Variants in NCOA2 observed in about 807,000 individuals in gnomAD.
NCOA2 encodes the protein class E basic helix-loop-helix protein 75.
A neutral mutation model predicts 145.1 loss-of-function variants in NCOA2; 21 were observed. The ratio of observed to expected loss-of-function variants is 0.14; its 90% CI spans 0.10 to 0.21. The LOEUF is 0.21. Ranked by LOEUF, NCOA2 falls within the 10% of genes least tolerant of loss-of-function variation. The pLI is 1.00. For synonymous variants in NCOA2, 619 were observed against 637.5 expected (o/e 0.97, Z 0.44); for missense variants, 1,472 against 1,837.6 (o/e 0.80, Z 3.64).
intron 4 of NCOA2, among the ~76,000 whole-genome samples, chr8:70,201,129 T>C (rs1817847301): frequency 6.6e-6 from 1 of 151,526 alleles, no homozygotes; most frequent in South Asian, 2.1e-4. Flanking sequence ...GTAAATTTTA[T>C]ATTATGAATA....
chr8:70,133,200 C>CTTTTTTTTTTTTTTTTTTTTTTTT (rs57813061), intron 15 of NCOA2, among the ~76,000 whole-genome samples: 11 of 106,970 alleles, frequency 1.0e-4, no homozygotes, highest in African/African-American at 4.4e-4. Flanking sequence ...CTGGCTGCTA[C>CTTTTTTTTTTTTTTTTTTTTTTTT]TTTTTTTTTT....
At chr8:70,350,308 C>T (rs1255453133) in intron 1 of NCOA2, among the ~76,000 whole-genome samples, 1 of 152,076 alleles carries the variant, frequency 6.6e-6, no homozygotes, top group South Asian at 2.1e-4. Flanking sequence ...ATTTTTTCCC[C>T]CAAATATACC....
intron 1 of NCOA2, among the ~76,000 whole-genome samples, chr8:70,308,158 T>G (rs1490633859): frequency 6.6e-6 from 1 of 152,078 alleles, no homozygotes; most frequent in Non-Finnish European, 1.5e-5. Flanking sequence ...AAAGAAAAAA[T>G]GTAATCCTTT....
chr8:70,400,253 A>G (rs1052199155), intron 1 of NCOA2, among the ~76,000 whole-genome samples: 1 of 152,202 alleles, frequency 6.6e-6, no homozygotes, highest in Admixed American at 6.5e-5. Context: ...ACTGACATCT[A>G]AAAGTCAAAG....
chr8:70,121,169 C>T, intron 22 of NCOA2, 133 bp downstream of exon 22: 1 of 703,256 alleles, frequency 1.4e-6, no homozygotes, highest in South Asian at 1.8e-5. Context: ...CACTGTATGC[C>T]AGATGAAACC....
chr8:70,269,889 T>C (rs889155740), intron 2 of NCOA2, among the ~76,000 whole-genome samples: 7 of 152,254 alleles, frequency 4.6e-5, no homozygotes, highest in African/African-American at 1.4e-4. Flanking sequence ...ACACATTTAC[T>C]GAAACCTAAT....
At chr8:70,317,567 A>G (rs1355389973) in intron 1 of NCOA2, among the ~76,000 whole-genome samples, 2 of 152,228 alleles carry the variant, frequency 1.3e-5, no homozygotes, top group Non-Finnish European at 2.9e-5. Context: ...CCTGTCTTTT[A>G]TATGAGTAAG....
chr8:70,147,108 T>C (rs1470359021), intron 12 of NCOA2, among the ~76,000 whole-genome samples: 3 of 145,482 alleles, frequency 2.1e-5, no homozygotes, highest in South Asian at 4.3e-4. Context: ...CATGCAAATC[T>C]TTCGCGCGCG....
chr8:70,432,482 C>A, the NCOA2 span, among the ~76,000 whole-genome samples: 1 of 151,964 alleles, frequency 6.6e-6, no homozygotes, highest in Admixed American at 6.6e-5. Flanking sequence ...GGCAACAAAG[C>A]AAGACTCTGT....
At chr8:70,433,258 T>C in the NCOA2 span, among the ~76,000 whole-genome samples, 3 of 152,166 alleles carry the variant, frequency 2.0e-5, no homozygotes, top group African/African-American at 4.8e-5. Flanking sequence ...AAAATATATT[T>C]ATTGAGCATC....
the NCOA2 span, among the ~76,000 whole-genome samples, chr8:70,456,052 A>G: frequency 6.6e-6 from 1 of 151,652 alleles, no homozygotes; most frequent in African/African-American, 2.4e-5. Flanking sequence ...TGGGGACTAG[A>G]GTAACCATTG....
At chr8:70,144,233 G>T (rs2954726) in intron 13 of NCOA2, among the ~76,000 whole-genome samples, 6 of 152,148 alleles carry the variant, frequency 3.9e-5, no homozygotes, top group African/African-American at 1.4e-4. Context: ...TTATCACCTA[G>T]AAGTATAAAA....
At chr8:70,218,423 T>C (rs967277465) in intron 2 of NCOA2, among the ~76,000 whole-genome samples, 6 of 152,100 alleles carry the variant, frequency 3.9e-5, no homozygotes, top group African/African-American at 1.2e-4. Context: ...AAGTATAATC[T>C]GTATTTATTT....
chr8:70,355,590 T>C (rs1809611841), intron 1 of NCOA2, among the ~76,000 whole-genome samples: 1 of 152,082 alleles, frequency 6.6e-6, no homozygotes, highest in Non-Finnish European at 1.5e-5. Context: ...TTTCTTTTTT[T>C]TTTTCTCTCA....
chr8:70,122,995 C>T (rs1807990862), intron 21 of NCOA2, among the ~76,000 whole-genome samples: 1 of 152,174 alleles, frequency 6.6e-6, no homozygotes, highest in African/African-American at 2.4e-5. Context: ...GAGTGGTCAG[C>T]ATTTTGGGCC....
chr8:70,283,841 C>A (rs1586364679), intron 2 of NCOA2, among the ~76,000 whole-genome samples: 1 of 152,188 alleles, frequency 6.6e-6, no homozygotes, highest in East Asian at 1.9e-4. Flanking sequence ...TGAGCATTTC[C>A]TTTTGAGTGT....
At chr8:70,367,848 T>C (rs1011694904) in intron 1 of NCOA2, among the ~76,000 whole-genome samples, 33 of 152,228 alleles carry the variant, frequency 2.2e-4, no homozygotes, top group African/African-American at 8.0e-4. Flanking sequence ...TATGACTCAG[T>C]ATTCTCAACT....
intron 9 of NCOA2, among the ~76,000 whole-genome samples, chr8:70,161,885 T>G (rs1813057652): frequency 1.4e-5 from 2 of 147,530 alleles, no homozygotes; most frequent in East Asian, 2.0e-4. Context: ...GCAAAAGAAT[T>G]TTTTTTTTTT....
At chr8:70,191,662 C>T (rs1816694505) in intron 4 of NCOA2, among the ~76,000 whole-genome samples, 1 of 152,032 alleles carries the variant, frequency 6.6e-6, no homozygotes, top group African/African-American at 2.4e-5. Context: ...AAGAGACATA[C>T]ACAAATGGGA....
Sources: gnomAD v4.1 joint callset for allele counts (sites outside exome capture counted in the v4.1 genomes callset) on GRCh38, gnomAD v4.1.1 for gene constraint, MANE v1.5 for transcripts, NCBI Gene and HGNC (gene_info 2026-07-23, HGNC 2026-07-21) for gene names.